The following ROBO1 variants were observed in gnomAD, a reference collection of about 807,000 sequenced individuals.
ROBO1 encodes roundabout guidance receptor 1, also known as roundabout homolog 1.
A neutral mutation model predicts 195.9 loss-of-function variants in ROBO1; 149 were observed. That is an observed-to-expected ratio of 0.76 (90% confidence interval 0.67 to 0.87). The LOEUF (loss-of-function observed/expected upper bound fraction) is 0.87. Among genes scored for constraint, ROBO1 ranks in the 40% least tolerant of loss-of-function variants. The pLI is 0.00. For missense variants in ROBO1, 1,933 were observed against 2,068.3 expected (o/e 0.93, Z 1.27); for synonymous variants, 816 against 733.2 (o/e 1.11, Z -1.82).
At chr3:78,810,882 A>G (rs2084716956) in intron 4 of ROBO1, among the ~76,000 whole-genome samples, 1 of 152,172 alleles carries the variant, frequency 6.6e-6, no homozygotes, top group Non-Finnish European at 1.5e-5. Flanking sequence ...TTAAAAAATA[A>G]AATAAAGCCT....
intron 4 of ROBO1, among the ~76,000 whole-genome samples, chr3:78,747,333 GA>G (rs1333236537): frequency 2.6e-5 from 4 of 151,372 alleles, no homozygotes; most frequent in South Asian, 2.1e-4. Context: ...AATATTAAAA[GA>G]AAAAAATAAG....
chr3:79,513,727 T>C (rs1475498530), intron 2 of ROBO1, among the ~76,000 whole-genome samples: 1 of 152,150 alleles, frequency 6.6e-6, no homozygotes, highest in African/African-American at 2.4e-5. Context: ...AAAAATCCCA[T>C]TCTTTGTGCA....
intron 4 of ROBO1, among the ~76,000 whole-genome samples, chr3:78,768,933 G>C (rs2083297871): frequency 6.6e-6 from 1 of 151,518 alleles, no homozygotes; most frequent in African/African-American, 2.4e-5. Context: ...TCTTGCGATA[G>C]TTTACTGAGA....
intron 2 of ROBO1, among the ~76,000 whole-genome samples, chr3:79,178,647 C>T (rs535641222): frequency 9.9e-5 from 15 of 152,132 alleles, no homozygotes; most frequent in Non-Finnish European, 1.6e-4. Context: ...TTTCAAAAGG[C>T]ATTTGGCGCC....
intron 2 of ROBO1, among the ~76,000 whole-genome samples, chr3:79,364,800 T>G: frequency 6.6e-6 from 1 of 152,240 alleles, no homozygotes; most frequent in East Asian, 1.9e-4. Flanking sequence ...ACCTTAACTT[T>G]AGTTTAACAT....
At chr3:78,877,811 G>A (rs1225759246) in intron 4 of ROBO1, among the ~76,000 whole-genome samples, 1 of 152,104 alleles carries the variant, frequency 6.6e-6, no homozygotes, top group Non-Finnish European at 1.5e-5. Flanking sequence ...TGTGCTATTG[G>A]AGCTGAGAAA....
At chr3:79,605,858 G>A (rs1480995665) in intron 1 of ROBO1, among the ~76,000 whole-genome samples, 1 of 151,678 alleles carries the variant, frequency 6.6e-6, no homozygotes, top group African/African-American at 2.4e-5. Flanking sequence ...TTCCATTTTA[G>A]CTTCCATCTC....
At chr3:79,492,608 A>G (rs190750996) in intron 2 of ROBO1, among the ~76,000 whole-genome samples, 1 of 152,200 alleles carries the variant, frequency 6.6e-6, no homozygotes, top group Admixed American at 6.5e-5. Flanking sequence ...GGAATACTAT[A>G]AAAATGGCGT....
At chr3:79,248,374 CAAAAAAA>C (rs10559171) in intron 2 of ROBO1, among the ~76,000 whole-genome samples, 2,987 of 36,226 alleles carry the variant, frequency 0.082, 64 homozygotes, top group Middle Eastern at 0.15. Flanking sequence ...GAAGACAGAC[CAAAAAAA>C]AAAAAAAAAA....
At chr3:78,707,629 T>C (rs889916858) in intron 8 of ROBO1, among the ~76,000 whole-genome samples, 11 of 152,178 alleles carry the variant, frequency 7.2e-5, no homozygotes, top group African/African-American at 2.7e-4. Context: ...CAAGCTCTTA[T>C]GAGAGAAGAG....
At chr3:79,294,380 A>G (rs2032456973) in intron 2 of ROBO1, among the ~76,000 whole-genome samples, 1 of 152,214 alleles carries the variant, frequency 6.6e-6, no homozygotes, top group Non-Finnish European at 1.5e-5. Context: ...CAGTGTTGGG[A>G]AAACTGGCTA....
At chr3:79,018,961 G>A in intron 3 of ROBO1, 1 of 989,532 alleles carries the variant, frequency 1.0e-6, no homozygotes, top group Non-Finnish European at 1.2e-6. Context: ...CGGCGGCGGC[G>A]ATAGCAGCCA....
chr3:79,176,555 T>C (rs1226889568), intron 2 of ROBO1, among the ~76,000 whole-genome samples: 1 of 152,142 alleles, frequency 6.6e-6, no homozygotes, highest in Non-Finnish European at 1.5e-5. Context: ...CTTCCTGGGT[T>C]CAAGTGATTC....
intron 3 of ROBO1, among the ~76,000 whole-genome samples, chr3:79,063,036 T>G (rs1291841674): frequency 6.6e-6 from 1 of 151,956 alleles, no homozygotes; most frequent in East Asian, 1.9e-4. Flanking sequence ...TAGATGTTTC[T>G]GTACAGGGCA....
chr3:79,683,829 T>C (rs1287050422), intron 1 of ROBO1, among the ~76,000 whole-genome samples: 1 of 152,156 alleles, frequency 6.6e-6, no homozygotes, highest in African/African-American at 2.4e-5. Context: ...ATATACTGTA[T>C]ACTGTGTATC....
intron 2 of ROBO1, among the ~76,000 whole-genome samples, chr3:79,227,505 CT>C (rs1220379066): frequency 6.6e-6 from 1 of 152,204 alleles, no homozygotes; most frequent in Non-Finnish European, 1.5e-5. Context: ...TTGACACTCT[CT>C]CCACACTACC....
intron 2 of ROBO1, among the ~76,000 whole-genome samples, chr3:79,502,487 C>T (rs1940140379): frequency 6.6e-6 from 1 of 152,102 alleles, no homozygotes; most frequent in South Asian, 2.1e-4. Flanking sequence ...ATGCCTGAGT[C>T]TCCCCCCGCC....
At chr3:79,237,492 AAT>A (rs201288127) in intron 2 of ROBO1, among the ~76,000 whole-genome samples, 351 of 151,774 alleles carry the variant, frequency 2.3e-3, no homozygotes, top group African/African-American at 7.1e-3. Flanking sequence ...AAAAAAAAAA[AAT>A]AATAATAAAA....
chr3:78,897,555 T>C (rs2037311737), intron 4 of ROBO1, among the ~76,000 whole-genome samples: 1 of 152,244 alleles, frequency 6.6e-6, no homozygotes, highest in South Asian at 2.1e-4. Flanking sequence ...TGAAAGGACT[T>C]GTGTGTTGCA....
Sources: allele counts gnomAD v4.1 joint callset (sites outside exome capture counted in the v4.1 genomes callset), GRCh38; gene constraint gnomAD v4.1.1; transcripts MANE v1.5; gene names NCBI Gene and HGNC (gene_info 2026-07-23, HGNC 2026-07-21).